CD180: variants seen among roughly 807,000 people sequenced by gnomAD.
The protein encoded by CD180 is CD180 molecule, also known as CD180 antigen.
Under a neutral mutation model 10.7 loss-of-function variants are expected in CD180, and 11 were observed. That is an observed-to-expected ratio of 1.03 (90% confidence interval 0.65 to 1.70). CD180 has a LOEUF of 1.70. Among genes scored for constraint, CD180 ranks in the 40% most tolerant of loss-of-function variants. The pLI, the probability that CD180 is intolerant of heterozygous loss-of-function variation, is 0.00. For missense variants in CD180, 729 were observed against 775.2 expected (o/e 0.94, Z 0.71); for synonymous variants, 286 against 294.6 (o/e 0.97, Z 0.30).
At chr5:67,184,752 A>T (rs1742149363) in intron 2 of CD180, among the ~76,000 whole-genome samples, 167 bp from the exon 3 acceptor site, 2 of 152,182 alleles carry the variant, frequency 1.3e-5, no homozygotes, top group South Asian at 4.1e-4. Context: ...GAGTAGCCTC[A>T]CTTCTGAACA....
Position 67,182,832 on chromosome 5 carries a change from T to A in CD180, c.*25A>T, listed in dbSNP as rs140321429. On this transcript the variant is annotated 3_prime_UTR_variant, in exon 3 of 3. Transcript: ENST00000256447. ...GAGCAATTTTGCTAAGCACACTTAT[T>A]TGCTTTCTCTGGAAACCTTCAGCAC... The A allele has an allele frequency of 6.4e-7, 1 of 1,556,882 alleles. No individual in the cohort carries two copies. Among genetic ancestry groups the A allele is most frequent in the Non-Finnish European group, 8.7e-7 (1 of 1,152,608 alleles).
intron 1 of CD180, 145 bp from the exon 2 acceptor site, chr5:67,186,162 G>A: frequency 2.0e-6 from 1 of 503,020 alleles, no homozygotes; most frequent in Non-Finnish European, 3.4e-6. Context: ...ACAAGATGAT[G>A]AATGCACATT....
chr5:67,196,723 G>A lies in CD180; in HGVS notation c.-82C>T. On this transcript the variant is annotated 5_prime_UTR_variant, in exon 1 of 3. It introduces an in-frame stop codon into an upstream open reading frame of the 5' UTR. Coordinates refer to ENST00000256447, the MANE Select transcript of CD180 (RefSeq NM_005582.3). Reference sequence around the variant, plus strand: ...CAAACTGTGAAGGCCCTGGCAATTTGGCAGCCAGAGAGGTACTCAGAAGGG... The same window carrying A: ...CAAACTGTGAAGGCCCTGGCAATTTAGCAGCCAGAGAGGTACTCAGAAGGG... The A allele has an allele frequency of 6.3e-7, 1 of 1,585,764 alleles. No individual in the cohort carries two copies. The highest frequency in any genetic ancestry group is 1.4e-5 in the African/African-American group (1 of 73,656).
At position 67,196,782 on chromosome 5, in the gene CD180, A is replaced by T; in HGVS notation, c.-141T>A. 1 of 757,102 alleles carries T rather than the reference A, an allele frequency of 1.3e-6. No homozygotes were observed. The highest frequency in any genetic ancestry group is 2.0e-6 in the Non-Finnish European group (1 of 493,652). The allele number at this position is 757,102 out of a possible 1,614,324, so 46.9% of individuals were successfully genotyped here. A position where few individuals can be genotyped will look rare whatever the true frequency, so the allele number is the denominator to read the frequency against. ...GAACAAGAAATGCTGTTGACTGCTC[A>T]GCATTCTGTGGCTCTGTGCTGGAAA... is the stretch of plus-strand genomic sequence containing the variant. On this transcript the variant is annotated 5_prime_UTR_variant, in exon 1 of 3. Transcript: ENST00000256447.
At chr5:67,189,223 G>T (rs1254100837) in intron 1 of CD180, among the ~76,000 whole-genome samples, 2 of 152,174 alleles carry the variant, frequency 1.3e-5, no homozygotes, top group African/African-American at 2.4e-5. Context: ...ATATATAAGT[G>T]CCCATGACAC....
chr5:67,184,594 G>C lies in CD180; in HGVS notation c.258-9C>G. On this transcript the variant is annotated splice_polypyrimidine_tract_variant and intron_variant, in intron 2 of 2. Coordinates refer to ENST00000256447, the MANE Select transcript of CD180 (RefSeq NM_005582.3). Reference sequence around the variant, plus strand: ...TCCAGTTAATCTGGCACCTTGAAAAGATAATCGTATTTAACAATAATTCAT... The same window carrying C: ...TCCAGTTAATCTGGCACCTTGAAAACATAATCGTATTTAACAATAATTCAT... 6.4e-7 allele frequency: 1 copy of C among 1,569,964 alleles called. No homozygotes were observed. Among genetic ancestry groups the C allele is most frequent in the Non-Finnish European group, 8.7e-7 (1 of 1,152,354 alleles).
Position 67,185,833 on chromosome 5 carries a change from A to T in CD180, c.257+18T>A. The T allele has an allele frequency of 6.5e-7, 1 of 1,543,376 alleles. No homozygotes were observed. The highest frequency in any genetic ancestry group is 8.7e-7 in the Non-Finnish European group (1 of 1,144,528). On this transcript the variant is annotated intron_variant, in intron 2 of 2. Coordinates refer to ENST00000256447, the MANE Select transcript of CD180 (RefSeq NM_005582.3). ...CTTAAATAAAATAAAAGAGCACACAAATAACTCAGATACATACCTAGTTAA... is the reference window on the plus strand; with the variant it reads ...CTTAAATAAAATAAAAGAGCACACATATAACTCAGATACATACCTAGTTAA...
Position 67,183,781 on chromosome 5 carries a change from G to A in CD180, c.1062C>T (p.Gly354=), listed in dbSNP as rs950844021. The part of the protein sequence containing the change: ...FPSLTHLYIR[G]NVKKLHLGVG... ...CACCAAGGTGAAGTTTCTTCACGTT[G>A]CCTCTGATGTAGAGGTGTGTAAGGG... The change falls in exon 3 of 3, where the codon GGC becomes GGT. Residue 354 remains glycine, a synonymous_variant. Transcript: ENST00000256447. The A allele has an allele frequency of 1.9e-6, 3 of 1,613,918 alleles. No individual in the cohort carries two copies. Among genetic ancestry groups the A allele is most frequent in the Admixed American group, 3.3e-5 (2 of 60,016 alleles).
At chr5:67,192,889 G>C (rs916716252) in intron 1 of CD180, among the ~76,000 whole-genome samples, 7 of 152,154 alleles carry the variant, frequency 4.6e-5, no homozygotes, top group African/African-American at 1.7e-4. Flanking sequence ...CCCCATCTCT[G>C]TTTAATTTTG....
At position 67,183,689 on chromosome 5, in the gene CD180, G is replaced by A. The variant is rs774747802; in HGVS notation, c.1154C>T (p.Ser385Phe). The A allele has an allele frequency of 2.5e-6, 4 of 1,614,070 alleles. No individual in the cohort carries two copies. Among genetic ancestry groups the A allele is most frequent in the Non-Finnish European group, 3.4e-6 (4 of 1,180,040 alleles). Residue 385 changes from serine to phenylalanine, a missense_variant, in exon 3 of 3, where the codon TCT (serine) becomes TTT (phenylalanine). Coordinates refer to ENST00000256447, the MANE Select transcript of CD180 (RefSeq NM_005582.3). Reference sequence around the variant, plus strand: ...TTTGAGTTGCAGACTGCAGCAGTCAGAAGCCTCTATGTCATTATGGCTTAA... The same window carrying A: ...TTTGAGTTGCAGACTGCAGCAGTCAAAAGCCTCTATGTCATTATGGCTTAA... ...LDLSHNDIEA[S>F]DCCSLQLKNL... is the part of the protein sequence containing the mutation.
chr5:67,183,016 G>A lies in CD180; in HGVS notation c.1827C>T (p.Asn609=). Residue 609 remains asparagine (N), a synonymous_variant, in exon 3 of 3, where the codon AAC becomes AAT. Transcript: ENST00000256447. The stretch of plus-strand genomic sequence containing the variant: ...GCTTAACTCCCCTTAGAGATGGCGG[G>A]TTTGCACACGTGGTCTCCTCCGAGC... ...LEGSEETTCA[N]PPSLRGVKLS... The A allele has an allele frequency of 6.2e-7, 1 of 1,614,224 alleles. No homozygotes were observed.
Position 67,185,832 on chromosome 5 carries a change from A to G in CD180, c.257+19T>C. Reference sequence around the variant, plus strand: ...ACTTAAATAAAATAAAAGAGCACACAAATAACTCAGATACATACCTAGTTA... The same window carrying G: ...ACTTAAATAAAATAAAAGAGCACACGAATAACTCAGATACATACCTAGTTA... On this transcript the variant is annotated intron_variant, in intron 2 of 2. Transcript: ENST00000256447. 1 of 1,542,946 alleles carries G rather than the reference A, an allele frequency of 6.5e-7. No individual in the cohort carries two copies. The highest frequency in any genetic ancestry group is 8.7e-7 in the Non-Finnish European group (1 of 1,144,186).
intron 1 of CD180, among the ~76,000 whole-genome samples, chr5:67,194,408 A>G (rs905161253): frequency 2.0e-5 from 3 of 152,114 alleles, no homozygotes; most frequent in East Asian, 1.9e-4. Context: ...CTTTCAGACT[A>G]ACCCCACCCA....
chr5:67,194,550 C>A (rs1215198627), intron 1 of CD180, among the ~76,000 whole-genome samples: 1 of 152,228 alleles, frequency 6.6e-6, no homozygotes, highest in African/African-American at 2.4e-5. Context: ...GCCCACCAAA[C>A]TATCCTTGAA....
At position 67,183,438 on chromosome 5, in the gene CD180, G is replaced by A; in HGVS notation, c.1405C>T (p.Pro469Ser). Reference sequence around the variant, plus strand: ...TTTAAGTTGAGATGCCGGAGAACTGGTAGGCCTGCTAGAAGATGCTGATTG... The same window carrying A: ...TTTAAGTTGAGATGCCGGAGAACTGATAGGCCTGCTAGAAGATGCTGATTG... ...TSNQHLLAGL[P>S]VLRHLNLKGN... Residue 469 changes from proline (P) to serine (S), a missense_variant, in exon 3 of 3, where the codon CCA becomes TCA. Physicochemically the swap from Pro to Ser is moderately conservative, Grantham distance 74 (BLOSUM62 -1). Transcript: ENST00000256447. The A allele has an allele frequency of 6.2e-7, 1 of 1,614,202 alleles. No homozygotes were observed.
At position 67,184,192 on chromosome 5, in the gene CD180, C is replaced by T. The variant is rs769487321; in HGVS notation, c.651G>A (p.Gly217=). ...NGNNVKGIEL[G]AFDSTIFQSL... Reference sequence around the variant, plus strand: ...TTTGGAAGATCGTTGAATCAAAAGCCCCAAGCTCAATACCTTTAACATTAT... The same window carrying T: ...TTTGGAAGATCGTTGAATCAAAAGCTCCAAGCTCAATACCTTTAACATTAT... Residue 217 remains glycine (G), a synonymous_variant, in exon 3 of 3, where the codon GGG becomes GGA. Transcript: ENST00000256447. 2.5e-6 allele frequency: 4 copies of T among 1,614,098 alleles called. No individual in the cohort carries two copies. Among genetic ancestry groups the T allele is most frequent in the Non-Finnish European group, 3.4e-6 (4 of 1,180,014 alleles).
In CD180 at chr5:67,191,642, A is replaced by G. The variant is rs564897063; in HGVS notation, c.90+4910T>C. Among the ~76,000 whole-genome samples the G allele has an allele frequency of 2.0e-5, 3 of 152,314 alleles. No individual in the cohort carries two copies. The East Asian group carries it at 5.8e-4, about 29-fold the overall frequency. ...GCCACAATCCAAATCACAGAACACG[A>G]ATTCCAGCTGTTCTTTGCATATTTA... On this transcript the variant is annotated intron_variant, in intron 1 of 2. Transcript: ENST00000256447.
rs751791378 is a variant in CD180, at chr5:67,184,447, T to C, written c.396A>G (p.Leu132=). Residue 132 remains leucine (L), a synonymous_variant, in exon 3 of 3, where the codon TTA becomes TTG. Transcript: ENST00000256447. The part of the protein sequence containing the change: ...NGPKSLKHLF[L]IQTGISNLEF... ...CGAGATTGGATATTCCCGTTTGGAT[T>C]AAGAAAAGATGCTTCAGTGACTTGG... 1.9e-6 allele frequency: 3 copies of C among 1,614,064 alleles called. No individual in the cohort carries two copies.
intron 1 of CD180, among the ~76,000 whole-genome samples, chr5:67,193,136 G>A (rs74591049): frequency 1.5e-3 from 236 of 152,286 alleles, no homozygotes; most frequent in African/African-American, 5.4e-3. Flanking sequence ...CTCAGTTTGC[G>A]AACTGTTCAT....
Sources: allele counts gnomAD v4.1 joint callset (sites outside exome capture counted in the v4.1 genomes callset), GRCh38; gene constraint gnomAD v4.1.1; transcripts MANE v1.5; gene names NCBI Gene and HGNC (gene_info 2026-07-23, HGNC 2026-07-21).